Variants in CARMIL1 observed in about 807,000 individuals in gnomAD.
CARMIL1 encodes F-actin-uncapping protein LRRC16A.
Under a neutral mutation model 177.1 loss-of-function variants are expected in CARMIL1, and 90 were observed. That is an observed-to-expected ratio of 0.51 (90% CI 0.43 to 0.61). CARMIL1 has a LOEUF of 0.61. Ranked by LOEUF, CARMIL1 falls within the 20% of genes least tolerant of loss-of-function variation. CARMIL1 has a pLI of 0.00. For synonymous variants in CARMIL1, 577 were observed against 606.2 expected (o/e 0.95, Z 0.71); for missense variants, 1,380 against 1,667.0 (o/e 0.83, Z 3.00).
chr6:25,569,354 G>A (rs1811859299), intron 29 of CARMIL1, among the ~76,000 whole-genome samples: 2 of 152,196 alleles, frequency 1.3e-5, no homozygotes, highest in Non-Finnish European at 2.9e-5. Context: ...TTTCCCTGAA[G>A]CTCTGTTTGA....
At chr6:25,541,345 A>G (rs952044700) in intron 26 of CARMIL1, among the ~76,000 whole-genome samples, 6 of 152,170 alleles carry the variant, frequency 3.9e-5, no homozygotes, top group Non-Finnish European at 5.9e-5. Flanking sequence ...ACCTTGTTCT[A>G]TTTGGTACAA....
At chr6:25,545,886 A>G (rs993065938) in intron 26 of CARMIL1, among the ~76,000 whole-genome samples, 2 of 152,210 alleles carry the variant, frequency 1.3e-5, no homozygotes, top group Non-Finnish European at 2.9e-5. Flanking sequence ...AACCTGTAGG[A>G]GACAACTAAA....
intron 19 of CARMIL1, 33 bp from the exon 20 acceptor site, chr6:25,510,675 A>G (rs1055921522): frequency 6.6e-7 from 1 of 1,518,914 alleles, no homozygotes; most frequent in African/African-American, 1.4e-5. Context: ...TTTTGATTTG[A>G]TTCCACTGTC....
chr6:25,576,724 G>T (rs893509034), intron 29 of CARMIL1, among the ~76,000 whole-genome samples: 1 of 152,150 alleles, frequency 6.6e-6, no homozygotes, highest in Admixed American at 6.6e-5. Flanking sequence ...ATATCTGTAG[G>T]TTAGGAGTTT....
chr6:25,586,728 A>G (rs1813752970), intron 31 of CARMIL1, among the ~76,000 whole-genome samples: 2 of 152,168 alleles, frequency 1.3e-5, no homozygotes, highest in African/African-American at 2.4e-5. Context: ...CGAGGCGGGC[A>G]GATCACTCGC....
chr6:25,328,293 G>A (rs756510794), intron 2 of CARMIL1, among the ~76,000 whole-genome samples: 6 of 152,108 alleles, frequency 3.9e-5, no homozygotes, highest in Admixed American at 2.0e-4. Flanking sequence ...TCGAGTCATG[G>A]TAAGGCATTT....
At chr6:25,527,147 C>T (rs973782818) in intron 23 of CARMIL1, among the ~76,000 whole-genome samples, 2 of 152,154 alleles carry the variant, frequency 1.3e-5, no homozygotes, top group African/African-American at 4.8e-5. Context: ...TCCAGGGGAG[C>T]CCAGTAAACC....
At chr6:25,387,057 G>A (rs1792240271) in intron 2 of CARMIL1, among the ~76,000 whole-genome samples, 1 of 144,776 alleles carries the variant, frequency 6.9e-6, no homozygotes, top group African/African-American at 2.7e-5. Context: ...TTGAACCTGC[G>A]AGGCCGAGAT....
At chr6:25,427,508 C>T (rs1796377329) in intron 4 of CARMIL1, among the ~76,000 whole-genome samples, 1 of 152,152 alleles carries the variant, frequency 6.6e-6, no homozygotes, top group African/African-American at 2.4e-5. Flanking sequence ...ATGAATAAAG[C>T]TGCTATGAAT....
At chr6:25,292,152 G>C (rs930562177) in intron 2 of CARMIL1, among the ~76,000 whole-genome samples, 4 of 152,174 alleles carry the variant, frequency 2.6e-5, no homozygotes, top group Non-Finnish European at 5.9e-5. Context: ...TAGGTCCCCA[G>C]GTTTACATCC....
chr6:25,517,677 G>A (rs1391269096), intron 22 of CARMIL1, among the ~76,000 whole-genome samples: 3 of 152,122 alleles, frequency 2.0e-5, no homozygotes, highest in Non-Finnish European at 2.9e-5. Flanking sequence ...ATGAGATCGC[G>A]GGAAAGGGGC....
chr6:25,526,595 C>T (rs1807169605), intron 23 of CARMIL1, among the ~76,000 whole-genome samples: 1 of 151,624 alleles, frequency 6.6e-6, no homozygotes, highest in Non-Finnish European at 1.5e-5. Context: ...CTCTGTCATC[C>T]AGGCCAGAGT....
At position 25,508,425 on chromosome 6, in the gene CARMIL1, G is replaced by A. The variant is rs537443168; in HGVS notation, c.1396-1231G>A. ...TTAAAAAGTAGAAATGGTGAGATGCGGTGGCACATGCCTGTAATTCCAGAT... is the reference window on the plus strand; with the variant it reads ...TTAAAAAGTAGAAATGGTGAGATGCAGTGGCACATGCCTGTAATTCCAGAT... On this transcript the variant is annotated intron_variant, in intron 17 of 36. Coordinates refer to ENST00000329474, the MANE Select transcript of CARMIL1 (RefSeq NM_017640.6). Among the ~76,000 whole-genome samples, 8 of 152,258 alleles carry A rather than the reference G, an allele frequency of 5.3e-5. No individual in the cohort carries two copies. In the East Asian group the frequency reaches 1.2e-3, roughly 22 times the overall value.
intron 28 of CARMIL1, among the ~76,000 whole-genome samples, chr6:25,556,408 G>A (rs545542667): frequency 6.0e-4 from 91 of 152,216 alleles, no homozygotes; most frequent in African/African-American, 2.1e-3. Flanking sequence ...TTTTAGTATA[G>A]AAGGAAATTT....
intron 2 of CARMIL1, among the ~76,000 whole-genome samples, chr6:25,378,163 G>A (rs1359753449): frequency 6.6e-6 from 1 of 152,158 alleles, no homozygotes; most frequent in African/African-American, 2.4e-5. Flanking sequence ...AGTCTGCATG[G>A]AGAATGGGGA....
rs1800542862 is a variant in CARMIL1, at chr6:25,465,726, CT to C, written c.615-145del. The stretch of plus-strand genomic sequence containing the variant: ...AACTTTGAAGATCAGTCTTTGAGAA[CT>C]TAGTTGTTGTCTAGTGGCCAACTAG... On this transcript the variant is annotated intron_variant, in intron 8 of 36. Coordinates refer to ENST00000329474, the MANE Select transcript of CARMIL1 (RefSeq NM_017640.6). 3 of 628,096 alleles carry C rather than the reference CT, an allele frequency of 4.8e-6. No individual in the cohort carries two copies. In the South Asian group the frequency reaches 6.1e-5, roughly 13 times the overall value. The allele number at this position is 628,096 out of a possible 1,614,324, so 38.9% of individuals were successfully genotyped here.
intron 8 of CARMIL1, among the ~76,000 whole-genome samples, chr6:25,459,274 T>TTCTTTCTTTCTTTC (rs1302680954): frequency 3.9e-4 from 12 of 30,878 alleles, no homozygotes; most frequent in East Asian, 1.5e-3. Flanking sequence ...TTCTTTTTTT[T>TTCTTTCTTTCTTTC]TTTTTTAAGA....
At chr6:25,362,912 GTAATCCC>G (rs1431240501) in intron 2 of CARMIL1, among the ~76,000 whole-genome samples, 2 of 152,308 alleles carry the variant, frequency 1.3e-5, no homozygotes, top group Admixed American at 6.5e-5. Flanking sequence ...GCACATGCCT[GTAATCCC>G]AGCTACTCTG....
intron 4 of CARMIL1, among the ~76,000 whole-genome samples, chr6:25,430,530 A>G (rs889749560): frequency 6.6e-6 from 1 of 151,656 alleles, no homozygotes; most frequent in South Asian, 2.1e-4. Flanking sequence ...CTCGGGACCA[A>G]GCGATCCTCT....
Sources: gnomAD v4.1 joint callset for allele counts (sites outside exome capture counted in the v4.1 genomes callset) on GRCh38, gnomAD v4.1.1 for gene constraint, MANE v1.5 for transcripts, NCBI Gene and HGNC (gene_info 2026-07-23, HGNC 2026-07-21) for gene names.